PTPRM: variants seen among roughly 807,000 people sequenced by gnomAD.
The protein encoded by PTPRM is receptor-type tyrosine-protein phosphatase mu.
In PTPRM, 47 loss-of-function variants were observed where a neutral mutation model predicts 186.7. The observed-to-expected ratio is 0.25, with a 90% CI of 0.20 to 0.32. PTPRM has a LOEUF of 0.32. PTPRM is among the 10% of genes least tolerant of loss of function. The probability of loss-of-function intolerance (pLI) is 1.00; values close to 1 mark genes in which losing one functional copy is unlikely to be tolerated. For missense variants in PTPRM, 1,494 were observed against 1,865.0 expected (o/e 0.80, Z 3.66); for synonymous variants, 668 against 674.9 (o/e 0.99, Z 0.16).
intron 1 of PTPRM, among the ~76,000 whole-genome samples, chr18:7,657,213 C>G (rs571299920): frequency 8.9e-4 from 136 of 152,310 alleles, no homozygotes; most frequent in African/African-American, 3.0e-3. Flanking sequence ...CCAGGACGCT[C>G]TGTGTGCTGC....
In PTPRM at chr18:8,126,910, A is replaced by T. The variant is rs376789654; in HGVS notation, c.2167+12083A>T. On this transcript the variant is annotated intron_variant, in intron 13 of 32. Coordinates refer to ENST00000580170, the MANE Select transcript of PTPRM (RefSeq NM_001105244.2). ...GGCTGGAGAGCAGAGAGCGAAAAGG[A>T]TGTGTGGGGTGAGCAGTAAGGTGAT... 3.5e-3 allele frequency among the ~76,000 whole-genome samples: 525 copies of T among 152,140 alleles called. 2 individuals are homozygous for T. Among genetic ancestry groups the T allele is most frequent in the Non-Finnish European group, 6.2e-3 (423 of 67,984 alleles).
chr18:7,863,847 C>T (rs1337129283), intron 2 of PTPRM, among the ~76,000 whole-genome samples: 1 of 152,162 alleles, frequency 6.6e-6, no homozygotes, highest in Non-Finnish European at 1.5e-5. Flanking sequence ...TTCTCCACAT[C>T]CTCTCCAGCA....
Position 8,126,005 on chromosome 18 carries a change from A to T in PTPRM, c.2167+11178A>T, listed in dbSNP as rs868118917. On this transcript the variant is annotated intron_variant, in intron 13 of 32. Coordinates refer to ENST00000580170, the MANE Select transcript of PTPRM (RefSeq NM_001105244.2). Reference sequence around the variant, plus strand: ...TATATATATATATATATATATATATATATATATATATATATATATATATTT... The same window carrying T: ...TATATATATATATATATATATATATTTATATATATATATATATATATATTT... 3.6e-3 allele frequency among the ~76,000 whole-genome samples: 61 copies of T among 17,014 alleles called. 2 individuals carry two copies. Among genetic ancestry groups the T allele is most frequent in the African/African-American group, 6.5e-3 (48 of 7,394 alleles). The allele number at this position is 17,014 out of a possible 152,430, so 11.2% of individuals were successfully genotyped here.
chr18:8,227,064 A>G (rs1464677586), intron 14 of PTPRM, among the ~76,000 whole-genome samples: 1 of 152,230 alleles, frequency 6.6e-6, no homozygotes, highest in East Asian at 1.9e-4. Flanking sequence ...AGCAACCTCA[A>G]TTCCAACCAC....
At chr18:8,267,762 G>A (rs144415032) in intron 19 of PTPRM, among the ~76,000 whole-genome samples, 1 of 152,108 alleles carries the variant, frequency 6.6e-6, no homozygotes, top group Non-Finnish European at 1.5e-5. Context: ...TCAGCACTCT[G>A]TAAGAATGGT....
At chr18:8,104,002 T>C (rs1262043712) in intron 11 of PTPRM, among the ~76,000 whole-genome samples, 1 of 152,200 alleles carries the variant, frequency 6.6e-6, no homozygotes, top group Non-Finnish European at 1.5e-5. Context: ...GGCTGTCTTA[T>C]ATGGACACAG....
chr18:7,792,822 A>G (rs1443761681), intron 2 of PTPRM, among the ~76,000 whole-genome samples: 3 of 151,524 alleles, frequency 2.0e-5, no homozygotes, highest in Non-Finnish European at 4.4e-5. Flanking sequence ...ACAACACTAC[A>G]CCTGGCTAAT....
intron 7 of PTPRM, among the ~76,000 whole-genome samples, chr18:7,958,651 A>G (rs1481557027): frequency 6.6e-6 from 1 of 152,184 alleles, no homozygotes; most frequent in African/African-American, 2.4e-5. Flanking sequence ...CTTTCTGATG[A>G]GATGATCCAC....
intron 2 of PTPRM, among the ~76,000 whole-genome samples, chr18:7,826,129 A>G (rs1205575288): frequency 6.6e-6 from 1 of 152,206 alleles, no homozygotes; most frequent in Admixed American, 6.5e-5. Flanking sequence ...TCACTGAGTG[A>G]GGCTCTGTTA....
intron 3 of PTPRM, among the ~76,000 whole-genome samples, chr18:7,893,637 G>C (rs1435118237): frequency 6.6e-6 from 1 of 152,182 alleles, no homozygotes; most frequent in Non-Finnish European, 1.5e-5. Context: ...TTTAATTCCT[G>C]AGCACTTCCA....
chr18:7,616,231 A>C lies in PTPRM; in HGVS notation c.73+48340A>C, dbSNP rs76540922. Among the ~76,000 whole-genome samples the C allele has an allele frequency of 4.1e-4, 63 of 152,200 alleles. No homozygotes were observed. In the East Asian group the frequency reaches 0.01, roughly 25 times the overall value. On this transcript the variant is annotated intron_variant, in intron 1 of 32. Coordinates refer to ENST00000580170, the MANE Select transcript of PTPRM (RefSeq NM_001105244.2). ...GAGTGTGGTGGTGCCATCACTGCTC[A>C]CTGCGGCCTTGACCTCTTGGTCAAG...
chr18:7,724,831 A>C (rs2040514430), intron 1 of PTPRM, among the ~76,000 whole-genome samples: 1 of 152,240 alleles, frequency 6.6e-6, no homozygotes, highest in Non-Finnish European at 1.5e-5. Flanking sequence ...TGTTAGTTTT[A>C]AACTAATTAC....
intron 2 of PTPRM, among the ~76,000 whole-genome samples, chr18:7,821,345 T>C (rs2045181804): frequency 1.3e-5 from 2 of 152,164 alleles, no homozygotes; most frequent in Non-Finnish European, 1.5e-5. Flanking sequence ...TAGAGAAATA[T>C]CACTGTGAAA....
chr18:7,873,779 A>G (rs144341049), intron 2 of PTPRM, among the ~76,000 whole-genome samples: 1,814 of 152,334 alleles, frequency 0.012, 41 homozygotes, highest in African/African-American at 0.041. Context: ...TAAACCACTG[A>G]CCATGATCAT....
At chr18:7,658,595 T>A (rs1395195648) in intron 1 of PTPRM, among the ~76,000 whole-genome samples, 1 of 152,032 alleles carries the variant, frequency 6.6e-6, no homozygotes, top group African/African-American at 2.4e-5. Context: ...AGACGTTTTA[T>A]TCAAGGATGG....
chr18:7,842,947 T>TATATATATATAGAGAGAGAGAGAG (rs370746043), intron 2 of PTPRM, among the ~76,000 whole-genome samples: 33 of 112,112 alleles, frequency 2.9e-4, no homozygotes, highest in African/African-American at 1.3e-3. Flanking sequence ...TATATATATA[T>TATATATATATAGAGAGAGAGAGAG]AGAGAGAGAG....
intron 10 of PTPRM, among the ~76,000 whole-genome samples, chr18:8,088,311 C>T (rs1326374051): frequency 6.6e-6 from 1 of 152,072 alleles, no homozygotes; most frequent in African/African-American, 2.4e-5. Context: ...CATGAAAAAC[C>T]TTGATTTAGA....
At chr18:8,347,587 G>T (rs193001713) in intron 23 of PTPRM, among the ~76,000 whole-genome samples, 1 of 152,160 alleles carries the variant, frequency 6.6e-6, no homozygotes, top group Admixed American at 6.5e-5. Flanking sequence ...AGTGGTGGTC[G>T]CTGTTCCTTC....
chr18:8,222,774 C>T (rs1430393845), intron 14 of PTPRM, among the ~76,000 whole-genome samples: 1 of 152,180 alleles, frequency 6.6e-6, no homozygotes. Context: ...CTATAGGCAG[C>T]TTATGCCTTA....
Sources: gnomAD v4.1 joint callset for allele counts (sites outside exome capture counted in the v4.1 genomes callset) on GRCh38, gnomAD v4.1.1 for gene constraint, MANE v1.5 for transcripts, NCBI Gene and HGNC (gene_info 2026-07-23, HGNC 2026-07-21) for gene names.